Variants in GNPAT observed in about 807,000 individuals in gnomAD.
GNPAT encodes the protein glyceronephosphate O-acyltransferase.
Under a neutral mutation model 78.4 loss-of-function variants are expected in GNPAT, and 30 were observed. That is an observed-to-expected ratio of 0.38 (90% confidence interval 0.29 to 0.52). The LOEUF is 0.52. Ranked by LOEUF, GNPAT falls within the 20% of genes least tolerant of loss-of-function variation. GNPAT has a pLI of 0.84. For synonymous variants in GNPAT, 271 were observed against 281.1 expected (o/e 0.96, Z 0.36); for missense variants, 714 against 812.2 (o/e 0.88, Z 1.47).
In GNPAT at chr1:231,266,076, C is replaced by G; in HGVS notation, c.835C>G (p.Pro279Ala). 1 of 1,610,210 alleles carries G rather than the reference C, an allele frequency of 6.2e-7. No individual in the cohort carries two copies. The highest frequency in any genetic ancestry group is 8.5e-7 in the Non-Finnish European group (1 of 1,176,648). The change falls in exon 7 of 16, where the codon CCA becomes GCA. Residue 279 changes from proline (P) to alanine (A), a missense_variant. Coordinates refer to ENST00000366647, the MANE Select transcript of GNPAT (RefSeq NM_014236.4). ...AGAAGTTTTTGATACCTACCTTGTC[C>G]CAATTAGTATCAGTTATGATAAGAT... ...KREVFDTYLV[P>A]ISISYDKILE...
intron 8 of GNPAT, among the ~76,000 whole-genome samples, 163 bp from the exon 9 acceptor site, chr1:231,267,517 G>A (rs1352604375): frequency 6.6e-6 from 1 of 152,134 alleles, no homozygotes; most frequent in African/African-American, 2.4e-5. Flanking sequence ...TGTATGGTCA[G>A]ATTACACTAT....
rs573267279 is a variant in GNPAT, at chr1:231,269,376, G to A, written c.1280-1382G>A. On this transcript the variant is annotated intron_variant, in intron 9 of 15. Transcript: ENST00000366647. ...GCCCAGATGGGGTGGTGGGTAGATG[G>A]AAAATAAAGATGGACCTCCCCGCCT... Among the ~76,000 whole-genome samples, 10 of 152,270 alleles carry A rather than the reference G, an allele frequency of 6.6e-5. No homozygotes were observed. The East Asian group carries it at 1.9e-3, about 29-fold the overall frequency.
At chr1:231,263,637 G>A (rs1023987238) in intron 4 of GNPAT, among the ~76,000 whole-genome samples, 1 of 151,998 alleles carries the variant, frequency 6.6e-6, no homozygotes, top group Non-Finnish European at 1.5e-5. Context: ...GGGTCTTGTG[G>A]TAATTTTTTT....
rs1685709418 is a variant in GNPAT at position 231,276,189 on chromosome 1, A to G, written c.1992A>G (p.Glu664=). 1.4e-6 allele frequency: 2 copies of G among 1,424,294 alleles called. No individual in the cohort carries two copies. The highest frequency in any genetic ancestry group is 2.0e-6 in the Non-Finnish European group (2 of 1,008,472). The allele number at this position is 1,424,294 out of a possible 1,614,324, so 88.2% of individuals were successfully genotyped here. Residue 664 remains glutamate, a synonymous_variant, in exon 15 of 16, where the codon GAA becomes GAG. Coordinates refer to ENST00000366647, the MANE Select transcript of GNPAT (RefSeq NM_014236.4). ...AACCTGCCACAACCAAATTAGAAGA[A>G]ATGCTTGGTAAGTGCAGTTTAATAA... is the stretch of plus-strand genomic sequence containing the variant. ...VNEPATTKLE[E]MLGCKTPIGK...
Position 231,275,476 on chromosome 1 carries a change from G to A in GNPAT, c.1915G>A (p.Gly639Arg), listed in dbSNP as rs748614646. Residue 639 changes from glycine (G) to arginine (R), a missense_variant, in exon 14 of 16, where the codon GGA becomes AGA. Coordinates refer to ENST00000366647, the MANE Select transcript of GNPAT (RefSeq NM_014236.4). ...KNALAACVRL[G>R]VVEKKKINNN... ...CGCCTTAGCAGCCTGTGTGAGGCTCGGAGTAGTGGAGAAGAAGAAGATGTA... is the reference window on the plus strand; with the variant it reads ...CGCCTTAGCAGCCTGTGTGAGGCTCAGAGTAGTGGAGAAGAAGAAGATGTA... 9 of 1,598,520 alleles carry A rather than the reference G, an allele frequency of 5.6e-6. No individual in the cohort carries two copies. The highest frequency in any genetic ancestry group is 2.7e-5 in the African/African-American group (2 of 74,624).
Position 231,267,681 on chromosome 1 carries a change from T to C in GNPAT, c.1057T>C (p.Tyr353His). 1 of 1,538,880 alleles carries C rather than the reference T, an allele frequency of 6.5e-7. No homozygotes were observed. The highest frequency in any genetic ancestry group is 9.0e-7 in the Non-Finnish European group (1 of 1,111,182). The change falls in exon 9 of 16, where the codon TAC becomes CAC. Residue 353 changes from tyrosine to histidine, a missense_variant and splice_region_variant. Coordinates refer to ENST00000366647, the MANE Select transcript of GNPAT (RefSeq NM_014236.4). ...SRSSYNLVPR[Y>H]IPQKQSEDMH... is the part of the protein sequence containing the mutation. ...GTTGCTCTGTGCTCTTCCTTTTAGA[T>C]ACATTCCTCAGAAACAGTCTGAGGA...
chr1:231,269,539 A>G (rs1685494649), intron 9 of GNPAT, among the ~76,000 whole-genome samples: 1 of 152,178 alleles, frequency 6.6e-6, no homozygotes, highest in African/African-American at 2.4e-5. Flanking sequence ...CCAAGAGATG[A>G]GGAGGATTTA....
In GNPAT at chr1:231,273,977, C is replaced by T. The variant is rs751812397; in HGVS notation, c.1658C>T (p.Thr553Met). ...LCKSEAIQVT[T>M]KDILVTEKGN... ...AAAAGTGAAGCCATACAAGTGACTA[C>T]GAAAGACATCCTAGTTACAGAGAAA... Residue 553 changes from threonine to methionine, a missense_variant, in exon 12 of 16, where the codon ACG becomes ATG. Coordinates refer to ENST00000366647, the MANE Select transcript of GNPAT (RefSeq NM_014236.4). 9 of 1,608,760 alleles carry T rather than the reference C, an allele frequency of 5.6e-6. No individual in the cohort carries two copies. Among genetic ancestry groups the T allele is most frequent in the South Asian group, 4.4e-5 (4 of 90,982 alleles).
intron 1 of GNPAT, among the ~76,000 whole-genome samples, chr1:231,246,847 G>C (rs554301890): frequency 6.6e-6 from 1 of 152,340 alleles, no homozygotes; most frequent in South Asian, 2.1e-4. Context: ...GTGCCCCCAG[G>C]TTATTTTAAT....
chr1:231,250,047 A>T (rs1684849718), intron 1 of GNPAT, among the ~76,000 whole-genome samples: 1 of 151,208 alleles, frequency 6.6e-6, no homozygotes, highest in Non-Finnish European at 1.5e-5. Flanking sequence ...GGAGTTTGAG[A>T]CCAGCCTGGG....
At position 231,275,405 on chromosome 1, in the gene GNPAT, G is replaced by T. The variant is rs372823753; in HGVS notation, c.1844G>T (p.Gly615Val). 2 of 1,604,574 alleles carry T rather than the reference G, an allele frequency of 1.2e-6. No individual in the cohort carries two copies. The highest frequency in any genetic ancestry group is 2.2e-5 in the South Asian group (2 of 90,870). ...AACTCTTCCTCACCCCCAATTTTAG[G>T]TACCTCTCAATGTTATGATGTATTA... Reference protein sequence around the residue: ...RKFTSQLLDQGTSQCYDVLSS... With the variant: ...RKFTSQLLDQVTSQCYDVLSS... Residue 615 changes from glycine (G) to valine (V), a missense_variant and splice_region_variant, in exon 14 of 16, where the codon GGT (glycine) becomes GTT (valine). Gly to Val is a moderately radical substitution (Grantham distance 109). Coordinates refer to ENST00000366647, the MANE Select transcript of GNPAT (RefSeq NM_014236.4).
At chr1:231,273,400 C>T (rs576231596) in intron 11 of GNPAT, among the ~76,000 whole-genome samples, 128 of 151,954 alleles carry the variant, frequency 8.4e-4, no homozygotes, top group African/African-American at 3.1e-3. Context: ...TACAGGCGCC[C>T]ACCACTACGC....
chr1:231,259,173 G>A (rs1482890707), intron 2 of GNPAT, among the ~76,000 whole-genome samples: 7 of 143,876 alleles, frequency 4.9e-5, no homozygotes, highest in Admixed American at 3.5e-4. Context: ...TTTTTTTTTG[G>A]CACAATCACT....
At chr1:231,257,252 A>G (rs1361756833) in intron 2 of GNPAT, among the ~76,000 whole-genome samples, 2 of 152,208 alleles carry the variant, frequency 1.3e-5, no homozygotes, top group Non-Finnish European at 2.9e-5. Context: ...TCAAGATGGC[A>G]TGATGATTTT....
intron 1 of GNPAT, among the ~76,000 whole-genome samples, chr1:231,242,822 G>T (rs768324811): frequency 6.6e-6 from 1 of 152,156 alleles, no homozygotes; most frequent in Non-Finnish European, 1.5e-5. Flanking sequence ...ACTTTTTCAT[G>T]TGAAAAACTA....
In GNPAT at chr1:231,252,258, G is replaced by T. The variant is rs1373783658; in HGVS notation, c.261+1115G>T. 2.6e-5 allele frequency among the ~76,000 whole-genome samples: 4 copies of T among 152,194 alleles called. No individual in the cohort carries two copies. The East Asian group carries it at 7.7e-4, about 29-fold the overall frequency. On this transcript the variant is annotated intron_variant, in intron 2 of 15. Coordinates refer to ENST00000366647, the MANE Select transcript of GNPAT (RefSeq NM_014236.4). ...AGATTTAAGGGATTTGAGAGGTGGG[G>T]TCTACTTCATTTATGACCAGTTGGG...
chr1:231,245,995 A>G (rs1303628342), intron 1 of GNPAT, among the ~76,000 whole-genome samples: 2 of 152,240 alleles, frequency 1.3e-5, no homozygotes, highest in Non-Finnish European at 2.9e-5. Flanking sequence ...ATATTAAATT[A>G]TGTAAATTTA....
chr1:231,262,506 T>C (rs1027311452), intron 3 of GNPAT, among the ~76,000 whole-genome samples: 20 of 152,230 alleles, frequency 1.3e-4, no homozygotes, highest in Non-Finnish European at 2.5e-4. Context: ...TCCATAAAAA[T>C]TTACATTTTT....
intron 4 of GNPAT, among the ~76,000 whole-genome samples, chr1:231,264,138 G>A (rs966060860): frequency 2.0e-4 from 31 of 152,184 alleles, no homozygotes; most frequent in Non-Finnish European, 2.1e-4. Flanking sequence ...GGTTCCCTGT[G>A]CTTTTGGTAT....
Sources: allele counts gnomAD v4.1 joint callset (sites outside exome capture counted in the v4.1 genomes callset), GRCh38; gene constraint gnomAD v4.1.1; transcripts MANE v1.5; gene names NCBI Gene and HGNC (gene_info 2026-07-23, HGNC 2026-07-21).